Variants in MTUS2 observed in about 807,000 individuals in gnomAD.
MTUS2 encodes microtubule associated scaffold protein 2, also known as microtubule-associated tumor suppressor candidate 2.
A neutral mutation model predicts 114.1 loss-of-function variants in MTUS2; 40 were observed. The ratio of observed to expected loss-of-function variants is 0.35; its 90% confidence interval spans 0.27 to 0.46. The LOEUF is 0.46. MTUS2 is among the 20% of genes least tolerant of loss of function. The pLI, the probability that MTUS2 is intolerant of heterozygous loss-of-function variation, is 1.00. For missense variants in MTUS2, 1,679 were observed against 1,705.4 expected (o/e 0.98, Z 0.27); for synonymous variants, 688 against 672.0 (o/e 1.02, Z -0.37).
intron 8 of MTUS2, among the ~76,000 whole-genome samples, chr13:29,367,547 T>C (rs1357081527): frequency 6.6e-6 from 1 of 151,806 alleles, no homozygotes; most frequent in Non-Finnish European, 1.5e-5. Context: ...AAACCCCAGG[T>C]AGGGAAAGCA....
At chr13:28,844,099 A>G (rs1875698348) in intron 2 of MTUS2, among the ~76,000 whole-genome samples, 1 of 152,230 alleles carries the variant, frequency 6.6e-6, no homozygotes, top group Admixed American at 6.5e-5. Flanking sequence ...CAATGTGCAC[A>G]TTCTTAATAC....
intron 4 of MTUS2, among the ~76,000 whole-genome samples, chr13:29,071,075 G>A (rs199629996): frequency 5.5e-5 from 3 of 54,684 alleles, no homozygotes; most frequent in South Asian, 9.7e-4. Flanking sequence ...TGCTATCTCG[G>A]TTCACTGCAA....
chr13:28,963,367 A>G (rs1019768163), intron 2 of MTUS2, among the ~76,000 whole-genome samples: 1 of 152,148 alleles, frequency 6.6e-6, no homozygotes, highest in East Asian at 1.9e-4. Context: ...CAAAAACAAA[A>G]CAAAACAAAA....
chr13:29,309,696 A>G (rs1433424726), intron 6 of MTUS2, among the ~76,000 whole-genome samples: 1 of 152,224 alleles, frequency 6.6e-6, no homozygotes, highest in Non-Finnish European at 1.5e-5. Context: ...GGTTCTAAAT[A>G]AATATTTATA....
At chr13:29,294,848 A>T (rs1253579755) in intron 6 of MTUS2, among the ~76,000 whole-genome samples, 3 of 152,220 alleles carry the variant, frequency 2.0e-5, no homozygotes, top group Non-Finnish European at 2.9e-5. Flanking sequence ...AGGCAAATTG[A>T]TGCAGTATGG....
chr13:29,162,559 T>C (rs967239617), intron 5 of MTUS2, among the ~76,000 whole-genome samples: 6 of 152,240 alleles, frequency 3.9e-5, no homozygotes, highest in Non-Finnish European at 5.9e-5. Context: ...ACCATGTTTT[T>C]GAACAGATAG....
chr13:28,828,747 A>G (rs1239251123), intron 1 of MTUS2, among the ~76,000 whole-genome samples: 1 of 152,168 alleles, frequency 6.6e-6, no homozygotes, highest in Non-Finnish European at 1.5e-5. Context: ...TAAATATTTT[A>G]TGCATTTTAG....
At chr13:28,991,000 A>G (rs1254278812) in intron 2 of MTUS2, among the ~76,000 whole-genome samples, 1 of 150,478 alleles carries the variant, frequency 6.6e-6, no homozygotes, top group East Asian at 2.0e-4. Flanking sequence ...AGCGAGACCA[A>G]CAACCCACCA....
At chr13:28,864,345 T>C (rs1877171309) in intron 2 of MTUS2, among the ~76,000 whole-genome samples, 1 of 152,116 alleles carries the variant, frequency 6.6e-6, no homozygotes, top group African/African-American at 2.4e-5. Context: ...CCCTATTTTA[T>C]GGGGTAGGCA....
intron 4 of MTUS2, among the ~76,000 whole-genome samples, chr13:29,054,029 GAGC>G (rs1418207251): frequency 2.0e-5 from 3 of 152,144 alleles, no homozygotes; most frequent in African/African-American, 7.2e-5. Context: ...ACAGTCCCAT[GAGC>G]AATCTATGAG....
intron 7 of MTUS2, among the ~76,000 whole-genome samples, chr13:29,356,427 C>A (rs1392378804): frequency 1.3e-5 from 2 of 152,208 alleles, no homozygotes; most frequent in Non-Finnish European, 2.9e-5. Context: ...AAATGAGAAG[C>A]AAACACCTGT....
intron 2 of MTUS2, among the ~76,000 whole-genome samples, chr13:28,934,034 A>G (rs757418335): frequency 6.6e-6 from 1 of 152,206 alleles, no homozygotes; most frequent in African/African-American, 2.4e-5. Flanking sequence ...ATATGTGCAC[A>G]TTTTATATTA....
chr13:29,180,854 C>T (rs1306630446), intron 5 of MTUS2, among the ~76,000 whole-genome samples: 2 of 152,154 alleles, frequency 1.3e-5, no homozygotes, highest in Non-Finnish European at 2.9e-5. Flanking sequence ...GCCCCGTCTT[C>T]TGAAGCAAGT....
At chr13:29,135,374 T>C (rs1438604585) in intron 5 of MTUS2, among the ~76,000 whole-genome samples, 1 of 152,244 alleles carries the variant, frequency 6.6e-6, no homozygotes, top group Non-Finnish European at 1.5e-5. Flanking sequence ...ACTGTTTGCA[T>C]AGAACATATT....
intron 5 of MTUS2, among the ~76,000 whole-genome samples, chr13:29,145,654 T>TA (rs1207045820): frequency 1.3e-5 from 2 of 152,176 alleles, no homozygotes; most frequent in South Asian, 4.1e-4. Context: ...AAATTGGACT[T>TA]AGAGTGTTAC....
At chr13:29,195,600 A>G (rs922895920) in intron 5 of MTUS2, among the ~76,000 whole-genome samples, 3 of 149,968 alleles carry the variant, frequency 2.0e-5, no homozygotes, top group Admixed American at 6.7e-5. Flanking sequence ...CTTCCGGCTC[A>G]TGTTGAAAGA....
At chr13:28,949,168 T>A (rs1480869501) in intron 2 of MTUS2, among the ~76,000 whole-genome samples, 1 of 152,234 alleles carries the variant, frequency 6.6e-6, no homozygotes, top group African/African-American at 2.4e-5. Context: ...CTGACCCTCC[T>A]TAGGGAAAAT....
intron 4 of MTUS2, among the ~76,000 whole-genome samples, chr13:29,086,925 A>G (rs1474488923): frequency 1.3e-5 from 2 of 152,116 alleles, no homozygotes; most frequent in African/African-American, 4.8e-5. Flanking sequence ...ATTGGTGTAT[A>G]TGGTACTGGG....
chr13:29,422,432 G>C (rs1041436518), intron 8 of MTUS2, among the ~76,000 whole-genome samples: 1 of 152,158 alleles, frequency 6.6e-6, no homozygotes, highest in African/African-American at 2.4e-5. Context: ...GATCAGGTAG[G>C]TAATGCTTAT....
Sources: gnomAD v4.1 joint callset for allele counts (sites outside exome capture counted in the v4.1 genomes callset) on GRCh38, gnomAD v4.1.1 for gene constraint, MANE v1.5 for transcripts, NCBI Gene and HGNC (gene_info 2026-07-23, HGNC 2026-07-21) for gene names.